DPP10: variants seen among roughly 807,000 people sequenced by gnomAD.
The protein encoded by DPP10 is dipeptidyl peptidase like 10.
In DPP10, 33 loss-of-function variants were observed where a neutral mutation model predicts 120.9. The ratio of observed to expected loss-of-function variants is 0.27; its 90% CI spans 0.21 to 0.37. DPP10 has a LOEUF of 0.37. DPP10 is among the 10% of genes least tolerant of loss of function. The pLI is 1.00. For missense variants in DPP10, 816 were observed against 942.8 expected (o/e 0.87, Z 1.76); for synonymous variants, 337 against 326.1 (o/e 1.03, Z -0.36).
At position 115,762,174 on chromosome 2, in the gene DPP10, G is replaced by A. The variant is rs113007466; in HGVS notation, c.1075-398G>A. 3.2e-3 allele frequency among the ~76,000 whole-genome samples: 491 copies of A among 152,210 alleles called. 2 individuals carry two copies. Among genetic ancestry groups the A allele is most frequent in the African/African-American group, 0.011 (462 of 41,556 alleles). On this transcript the variant is annotated intron_variant, in intron 11 of 25. Coordinates refer to ENST00000410059, the MANE Select transcript of DPP10 (RefSeq NM_020868.6). The stretch of plus-strand genomic sequence containing the variant: ...ATATTGAAAGAATGTCCACTTTTTA[G>A]TTTTATTCCTGGCTGTTTGCCCAGT...
rs148704113 is a variant in DPP10 at position 114,669,640 on chromosome 2, A to G, written c.60+226802A>G. ...TGCTTACTACTTACACAAGAGAACAAATCAGTTCTATTACCTAAAAGACAT... is the reference window on the plus strand; with the variant it reads ...TGCTTACTACTTACACAAGAGAACAGATCAGTTCTATTACCTAAAAGACAT... On this transcript the variant is annotated intron_variant, in intron 1 of 25. Transcript: ENST00000410059. Among the ~76,000 whole-genome samples the G allele has an allele frequency of 1.2e-4, 19 of 152,256 alleles. 1 individual carries two copies. In the East Asian group the frequency reaches 3.7e-3, roughly 29 times the overall value.
chr2:114,929,432 A>G (rs1481233412), intron 1 of DPP10, among the ~76,000 whole-genome samples: 2 of 152,174 alleles, frequency 1.3e-5, no homozygotes, highest in African/African-American at 4.8e-5. Context: ...CTTCAACCGC[A>G]TAAGACAGAC....
rs70941056 is a variant in DPP10 at position 115,402,852 on chromosome 2, A to ATATAT, written c.271+58940_271+58941insTATAT. Reference sequence around the variant, plus strand: ...CAAGGACACTACAAGGAAAAAAAAAAAAATATATATATATATATATATATG... The same window carrying ATATAT: ...CAAGGACACTACAAGGAAAAAAAAAATATATAAATATATATATATATATATATATG... On this transcript the variant is annotated intron_variant, in intron 3 of 25. Coordinates refer to ENST00000410059, the MANE Select transcript of DPP10 (RefSeq NM_020868.6). 4.3e-3 allele frequency among the ~76,000 whole-genome samples: 242 copies of ATATAT among 56,912 alleles called. 2 individuals carry two copies. Among genetic ancestry groups the ATATAT allele is most frequent in the African/African-American group, 9.0e-3 (170 of 18,968 alleles). The allele number at this position is 56,912 out of a possible 152,430, so 37.3% of individuals were successfully genotyped here.
intron 4 of DPP10, among the ~76,000 whole-genome samples, chr2:115,522,010 G>A (rs1178350816): frequency 6.6e-6 from 1 of 152,054 alleles, no homozygotes; most frequent in Non-Finnish European, 1.5e-5. Context: ...ATTCAAAACT[G>A]GCAAGCTTGT....
chr2:114,586,883 C>T (rs1197622103), intron 1 of DPP10, among the ~76,000 whole-genome samples: 2 of 152,214 alleles, frequency 1.3e-5, no homozygotes, highest in Non-Finnish European at 2.9e-5. Flanking sequence ...CACGTACTGG[C>T]TCCCCTTTGC....
intron 1 of DPP10, among the ~76,000 whole-genome samples, chr2:115,142,414 G>T (rs148803550): frequency 5.6e-4 from 85 of 152,238 alleles, no homozygotes; most frequent in African/African-American, 1.9e-3. Flanking sequence ...AGCAATGTGC[G>T]CTCATAGATA....
intron 10 of DPP10, among the ~76,000 whole-genome samples, chr2:115,752,145 G>A (rs540501578): frequency 5.3e-5 from 8 of 152,128 alleles, no homozygotes; most frequent in African/African-American, 1.2e-4. Flanking sequence ...GACACTTTCC[G>A]TGACACGTGG....
At chr2:114,663,666 TATAGAG>T (rs1240427061) in intron 1 of DPP10, among the ~76,000 whole-genome samples, 4 of 92,610 alleles carry the variant, frequency 4.3e-5, no homozygotes, top group South Asian at 7.3e-4. Context: ...TATATATATA[TATAGAG>T]AGAGAGAGAG....
At chr2:114,510,425 G>A (rs977823318) in intron 1 of DPP10, among the ~76,000 whole-genome samples, 4 of 152,072 alleles carry the variant, frequency 2.6e-5, no homozygotes, top group South Asian at 2.1e-4. Flanking sequence ...CCAACATGGC[G>A]AAAACCTGTC....
intron 4 of DPP10, among the ~76,000 whole-genome samples, chr2:115,504,008 A>G (rs1407547656): frequency 6.6e-6 from 1 of 152,116 alleles, no homozygotes; most frequent in Non-Finnish European, 1.5e-5. Flanking sequence ...GATCAAAGTA[A>G]TGACTTTTAA....
intron 7 of DPP10, among the ~76,000 whole-genome samples, chr2:115,712,153 C>T (rs1014168711): frequency 1.7e-4 from 25 of 151,080 alleles, no homozygotes; most frequent in Non-Finnish European, 8.8e-5. Flanking sequence ...AATGCAGAAT[C>T]AGTAGGAGCC....
chr2:115,171,460 G>A (rs1332918885), intron 1 of DPP10, among the ~76,000 whole-genome samples: 1 of 151,906 alleles, frequency 6.6e-6, no homozygotes, highest in African/African-American at 2.4e-5. Flanking sequence ...AAATAGCCAT[G>A]ACATGAATGA....
intron 12 of DPP10, among the ~76,000 whole-genome samples, chr2:115,763,275 C>G (rs557836201): frequency 3.3e-5 from 5 of 151,880 alleles, no homozygotes; most frequent in Non-Finnish European, 7.4e-5. Context: ...TTTTATATTA[C>G]GTCTATGGCG....
chr2:114,450,323 G>A (rs2104533514), intron 1 of DPP10, among the ~76,000 whole-genome samples: 2 of 152,152 alleles, frequency 1.3e-5, no homozygotes, highest in South Asian at 2.1e-4. Context: ...AATCGCCGAT[G>A]TTCTCATATA....
At chr2:115,482,775 A>G (rs746343533) in intron 3 of DPP10, among the ~76,000 whole-genome samples, 92 of 151,982 alleles carry the variant, frequency 6.1e-4, no homozygotes, top group Non-Finnish European at 1.1e-3. Flanking sequence ...TTATCAATTA[A>G]TCAGTTCATG....
At chr2:115,506,707 T>G (rs894181673) in intron 4 of DPP10, among the ~76,000 whole-genome samples, 1 of 152,132 alleles carries the variant, frequency 6.6e-6, no homozygotes, top group African/African-American at 2.4e-5. Context: ...ATAGAATAGA[T>G]ATCTATGTAT....
At chr2:115,133,141 GTGTGTATATATATATATATATATA>G (rs1352677288) in intron 1 of DPP10, among the ~76,000 whole-genome samples, 1 of 35,396 alleles carries the variant, frequency 2.8e-5, no homozygotes, top group Non-Finnish European at 6.0e-5. Context: ...GTGTGTGTGT[GTGTGTATATATATATATATATATA>G]TATATATATA....
At chr2:114,484,914 T>G (rs569434011) in intron 1 of DPP10, among the ~76,000 whole-genome samples, 183 of 152,274 alleles carry the variant, frequency 1.2e-3, no homozygotes, top group African/African-American at 4.3e-3. Context: ...ATTTTTCTGT[T>G]TATTTCATTG....
chr2:114,687,008 T>C (rs1699415550), intron 1 of DPP10, among the ~76,000 whole-genome samples: 1 of 151,978 alleles, frequency 6.6e-6, no homozygotes, highest in Non-Finnish European at 1.5e-5. Context: ...TCTATATGTT[T>C]AACCACATCT....
Sources: gnomAD v4.1 joint callset for allele counts (sites outside exome capture counted in the v4.1 genomes callset) on GRCh38, gnomAD v4.1.1 for gene constraint, MANE v1.5 for transcripts, NCBI Gene and HGNC (gene_info 2026-07-23, HGNC 2026-07-21) for gene names.